MAGED1: variants seen among roughly 807,000 people sequenced by gnomAD.
MAGED1 encodes MAGE family member D1, also known as melanoma-associated antigen D1.
In MAGED1, 3 loss-of-function variants were observed where a neutral mutation model predicts 54.1. The observed-to-expected ratio is 0.06, with a 90% CI of 0.03 to 0.14. MAGED1 has a LOEUF of 0.14. MAGED1 is among the 10% of genes least tolerant of loss of function. MAGED1 has a pLI of 1.00. For synonymous variants in MAGED1, 217 were observed against 227.3 expected, an observed-to-expected ratio of 0.95 and a Z score of 0.41; for missense variants, 485 against 623.4, an observed-to-expected ratio of 0.78 and a Z score of 2.36.
At chrX:51,863,445 A>T (rs140389155) in intron 1 of MAGED1, among the ~76,000 whole-genome samples, 1,733 of 111,710 alleles carry the variant, frequency 0.016, 47 homozygotes, top group African/African-American at 0.053. Flanking sequence ...TGAACAGGGG[A>T]GTTCAGATGC....
At chrX:51,896,373 C>A (rs201932104) in intron 3 of MAGED1, 36 bp from the exon 4 acceptor site, 17 of 1,138,178 alleles carry the variant, frequency 1.5e-5, no homozygotes, top group African/African-American at 3.6e-5. Flanking sequence ...GACACAGAAC[C>A]CACTGGTGAT....
intron 1 of MAGED1, among the ~76,000 whole-genome samples, chrX:51,811,852 G>T (rs1925231166): frequency 9.0e-6 from 1 of 111,448 alleles, no homozygotes; most frequent in Admixed American, 9.6e-5. Context: ...GCAGTGGGGG[G>T]AAGATAGATT....
rs370800331 is a variant in MAGED1, at chrX:51,895,179, A to G, written c.172A>G (p.Thr58Ala). ...TAGTCCCCAGAGTTCACAGCCCCCAACTGCCAATGAGATGGCTGACATTCA... is the reference window on the plus strand; with the variant it reads ...TAGTCCCCAGAGTTCACAGCCCCCAGCTGCCAATGAGATGGCTGACATTCA... ...AASPQSSQPP[T>A]ANEMADIQVS... The change falls in exon 3 of 13, where the codon ACT becomes GCT. Residue 58 changes from threonine to alanine, a missense_variant. Transcript: ENST00000326587. 13 of 1,209,993 alleles carry G rather than the reference A, an allele frequency of 1.1e-5. No individual in the cohort carries two copies. Among genetic ancestry groups the G allele is most frequent in the African/African-American group, 8.7e-5 (5 of 57,189 alleles).
chrX:51,816,973 TAATCTAAGGGGAGTTCCTGAACA>T (rs1474942251), intron 1 of MAGED1, among the ~76,000 whole-genome samples: 1 of 111,784 alleles, frequency 8.9e-6, no homozygotes, highest in African/African-American at 3.3e-5. Context: ...GTGCCTCCTG[TAATCTAAGGGGAGTTCCTGAACA>T]GGAAAGAGAT....
intron 1 of MAGED1, among the ~76,000 whole-genome samples, chrX:51,806,741 A>G (rs1201077862): frequency 9.0e-6 from 1 of 111,091 alleles, no homozygotes; most frequent in Non-Finnish European, 1.9e-5. Context: ...TTTAGTAAAT[A>G]CTGCCAGCCA....
At chrX:51,874,045 T>G (rs1927784278) in intron 1 of MAGED1, among the ~76,000 whole-genome samples, 3 of 111,419 alleles carry the variant, frequency 2.7e-5, no homozygotes, top group Non-Finnish European at 5.6e-5. Flanking sequence ...TGGTAGGATA[T>G]CACCAGTAGA....
intron 1 of MAGED1, among the ~76,000 whole-genome samples, chrX:51,827,855 C>T (rs933715784): frequency 5.4e-5 from 6 of 111,164 alleles, no homozygotes; most frequent in Non-Finnish European, 1.1e-4. Flanking sequence ...TTTATGGCCT[C>T]CCTATTCTGT....
Position 51,901,768 on chromosome X carries a change from T to A in MAGED1, c.2175T>A (p.Asp725Glu). 4 of 1,211,293 alleles carry A rather than the reference T, an allele frequency of 3.3e-6. No homozygotes were observed. Among genetic ancestry groups the A allele is most frequent in the South Asian group, 1.8e-5 (1 of 56,905 alleles). ...GGGATGAGGAAGGAGATTTTGGAGA[T>A]CCCTGGTCCAGAATTCCATTTACCT... ...LTWDEEGDFGDPWSRIPFTFW... is the reference protein window; with the variant it reads ...LTWDEEGDFGEPWSRIPFTFW... The change falls in exon 12 of 13, where the codon GAT (aspartate) becomes GAA (glutamate). Residue 725 changes from aspartate to glutamate, a missense_variant. Transcript: ENST00000326587.
At chrX:51,853,526 C>G (rs1311965690) in intron 1 of MAGED1, among the ~76,000 whole-genome samples, 7 of 111,856 alleles carry the variant, frequency 6.3e-5, no homozygotes, top group African/African-American at 2.3e-4. Flanking sequence ...CTTAGTGTAG[C>G]TCTGGGTTTT....
intron 1 of MAGED1, among the ~76,000 whole-genome samples, chrX:51,814,270 T>C (rs1447283403): frequency 1.8e-5 from 2 of 111,695 alleles, no homozygotes; most frequent in Non-Finnish European, 3.8e-5. Context: ...CTGCTGCTGC[T>C]GCCGCTGCCG....
At chrX:51,811,051 T>A (rs1925200664) in intron 1 of MAGED1, among the ~76,000 whole-genome samples, 1 of 112,350 alleles carries the variant, frequency 8.9e-6, no homozygotes, top group Admixed American at 9.4e-5. Flanking sequence ...CCTGATCATA[T>A]TTTTTAGTTA....
intron 1 of MAGED1, chrX:51,857,361 A>G (rs1244953725): frequency 1.8e-5 from 2 of 111,910 alleles, no homozygotes; most frequent in African/African-American, 6.5e-5. Flanking sequence ...ACTGTGGGAA[A>G]GGCCTCAAGA....
At chrX:51,840,277 A>G (rs1557358332) in intron 1 of MAGED1, among the ~76,000 whole-genome samples, 2 of 111,211 alleles carry the variant, frequency 1.8e-5, no homozygotes, top group Non-Finnish European at 3.8e-5. Context: ...TAAGTGAATA[A>G]ATATTTAAAT....
intron 1 of MAGED1, among the ~76,000 whole-genome samples, chrX:51,844,937 A>C (rs1344243267): frequency 9.0e-6 from 1 of 111,330 alleles, no homozygotes; most frequent in African/African-American, 3.3e-5. Flanking sequence ...AGGCTGATAA[A>C]AATATTTAGC....
chrX:51,806,162 C>T (rs1480794352), intron 1 of MAGED1, among the ~76,000 whole-genome samples: 2 of 107,924 alleles, frequency 1.9e-5, no homozygotes, highest in South Asian at 4.1e-4. Flanking sequence ...TTAGTAGAGA[C>T]GGGGTTTCAC....
chrX:51,858,960 G>T (rs898959802), intron 1 of MAGED1, among the ~76,000 whole-genome samples: 27 of 111,568 alleles, frequency 2.4e-4, no homozygotes, highest in Non-Finnish European at 4.0e-4. Context: ...CAAGGTATAA[G>T]AAATATTAAT....
intron 1 of MAGED1, among the ~76,000 whole-genome samples, chrX:51,845,732 G>GC (rs1557359207): frequency 1.8e-5 from 2 of 111,243 alleles, no homozygotes; most frequent in African/African-American, 3.3e-5. Context: ...TCAGATCTTG[G>GC]TATGAAATGA....
intron 11 of MAGED1, among the ~76,000 whole-genome samples, chrX:51,900,938 C>T (rs1250998512): frequency 8.9e-6 from 1 of 112,331 alleles, no homozygotes; most frequent in African/African-American, 3.2e-5. Flanking sequence ...CCGGCCCATT[C>T]ATTTATTTTT....
chrX:51,873,616 T>C (rs782372851), intron 1 of MAGED1, among the ~76,000 whole-genome samples: 1 of 109,515 alleles, frequency 9.1e-6, no homozygotes, highest in Non-Finnish European at 1.9e-5. Flanking sequence ...ATCATTTGGA[T>C]ATGAGTAACA....
Sources: gnomAD v4.1 joint callset for allele counts (sites outside exome capture counted in the v4.1 genomes callset) on GRCh38, gnomAD v4.1.1 for gene constraint, MANE v1.5 for transcripts, NCBI Gene and HGNC (gene_info 2026-07-23, HGNC 2026-07-21) for gene names.